Variants in MTREX observed in about 807,000 individuals in gnomAD.
MTREX encodes the protein exosome RNA helicase MTR4.
In MTREX, 76 loss-of-function variants were observed where a neutral mutation model predicts 135.4. That is an observed-to-expected ratio of 0.56 (90% CI 0.47 to 0.68). The LOEUF (loss-of-function observed/expected upper bound fraction) is 0.68, where lower values mean the gene tolerates loss of function less well. Ranked by LOEUF, MTREX falls within the 30% of genes least tolerant of loss-of-function variation. The pLI is 0.00. For missense variants in MTREX, 920 were observed against 1,262.1 expected (o/e 0.73, Z 4.11); for synonymous variants, 404 against 401.6 (o/e 1.01, Z -0.07).
chr5:55,336,242 A>G (rs1749551431), intron 5 of MTREX, among the ~76,000 whole-genome samples: 2 of 152,150 alleles, frequency 1.3e-5, no homozygotes, highest in Non-Finnish European at 1.5e-5. Flanking sequence ...CATTGTCAAT[A>G]TCTAGTACAA....
intron 1 of MTREX, among the ~76,000 whole-genome samples, chr5:55,318,062 C>T (rs1471090426): frequency 1.3e-5 from 2 of 152,212 alleles, no homozygotes; most frequent in Non-Finnish European, 2.9e-5. Context: ...ATCAAAACCA[C>T]AAATGAGATA....
At chr5:55,311,972 G>C (rs149830933) in intron 1 of MTREX, among the ~76,000 whole-genome samples, 9 of 152,150 alleles carry the variant, frequency 5.9e-5, no homozygotes, top group African/African-American at 2.2e-4. Flanking sequence ...TTCAGGTTCA[G>C]TTTACTTCCT....
intron 5 of MTREX, among the ~76,000 whole-genome samples, chr5:55,337,694 C>T (rs1749575547): frequency 1.3e-5 from 2 of 149,430 alleles, no homozygotes; most frequent in Non-Finnish European, 1.5e-5. Flanking sequence ...GAAGATACTT[C>T]GTGAAATTTC....
In MTREX at chr5:55,327,405, T is replaced by G. The variant is rs1579850846; in HGVS notation, c.340-311T>G. The G allele has an allele frequency of 1.8e-5, 4 of 226,848 alleles. No homozygotes were observed. In the East Asian group the frequency reaches 3.9e-4, roughly 22 times the overall value. 14.1% of individuals were successfully genotyped at this position (226,848 alleles called of 1,614,324 possible). On this transcript the variant is annotated intron_variant, in intron 3 of 26. Coordinates refer to ENST00000230640, the MANE Select transcript of MTREX (RefSeq NM_015360.5). Reference sequence around the variant, plus strand: ...CTGTTCTATGTTGTTTTCTACCCACTGTGTTGTTATTCTTCTGTTTTGTAG... The same window carrying G: ...CTGTTCTATGTTGTTTTCTACCCACGGTGTTGTTATTCTTCTGTTTTGTAG...
At chr5:55,404,864 C>G (rs1750778097) in intron 21 of MTREX, among the ~76,000 whole-genome samples, 1 of 150,368 alleles carries the variant, frequency 6.7e-6, no homozygotes, top group South Asian at 2.1e-4. Context: ...AGTGCAGTGG[C>G]ATCATCACGG....
At chr5:55,377,550 A>G (rs1396882627) in intron 16 of MTREX, among the ~76,000 whole-genome samples, 1 of 152,188 alleles carries the variant, frequency 6.6e-6, no homozygotes, top group Non-Finnish European at 1.5e-5. Context: ...GCCTCACCCT[A>G]AGAGATATAT....
At chr5:55,317,803 C>T (rs918126182) in intron 1 of MTREX, among the ~76,000 whole-genome samples, 1 of 152,070 alleles carries the variant, frequency 6.6e-6, no homozygotes, top group Non-Finnish European at 1.5e-5. Context: ...TAAGAGCTTC[C>T]ATACAGCAAA....
At chr5:55,405,637 A>C (rs775871955) in intron 22 of MTREX, 49 bp downstream of exon 22, 32 of 1,491,706 alleles carry the variant, frequency 2.1e-5, no homozygotes, top group Non-Finnish European at 2.7e-5. Flanking sequence ...TTTCATTTTT[A>C]ATTTTAATTT....
chr5:55,389,180 T>C (rs564709535), intron 19 of MTREX, among the ~76,000 whole-genome samples: 3 of 152,344 alleles, frequency 2.0e-5, no homozygotes, highest in South Asian at 4.1e-4. Context: ...CTAACATTTA[T>C]TTTACTGATT....
intron 1 of MTREX, 129 bp from the exon 2 acceptor site, chr5:55,322,198 T>A: frequency 4.5e-6 from 3 of 665,230 alleles, no homozygotes; most frequent in Non-Finnish European, 7.0e-6. Flanking sequence ...CTTCAGCCAG[T>A]TGTTGTTTGT....
rs536596011 is a variant in MTREX at position 55,380,191 on chromosome 5, C to T, written c.2052+996C>T. 1.5e-4 allele frequency among the ~76,000 whole-genome samples: 23 copies of T among 152,172 alleles called. No individual in the cohort carries two copies. The East Asian group carries it at 2.7e-3, about 18-fold the overall frequency. ...TCCTGACCTTGTGATCTGCCCGCCTCGGCCTCCCAAAGTGCTGGGATTACA... is the reference window on the plus strand; with the variant it reads ...TCCTGACCTTGTGATCTGCCCGCCTTGGCCTCCCAAAGTGCTGGGATTACA... On this transcript the variant is annotated intron_variant, in intron 18 of 26. Transcript: ENST00000230640.
chr5:55,357,720 TAC>T (rs1359636801), intron 14 of MTREX, among the ~76,000 whole-genome samples: 2 of 152,204 alleles, frequency 1.3e-5, no homozygotes, highest in Non-Finnish European at 2.9e-5. Context: ...CTTTTTGAGT[TAC>T]AGTTTTTTTA....
intron 22 of MTREX, among the ~76,000 whole-genome samples, chr5:55,408,321 A>G (rs1420674267): frequency 1.3e-5 from 2 of 151,950 alleles, no homozygotes; most frequent in Non-Finnish European, 2.9e-5. Flanking sequence ...TTTTTTCCTC[A>G]TAACACTTGT....
chr5:55,364,543 G>A (rs373729698), intron 15 of MTREX, among the ~76,000 whole-genome samples: 3 of 152,326 alleles, frequency 2.0e-5, no homozygotes, highest in African/African-American at 7.2e-5. Context: ...GCTGAGTAGG[G>A]TAGTATGTCA....
chr5:55,413,516 T>C (rs1013394613), intron 23 of MTREX, among the ~76,000 whole-genome samples: 3 of 152,174 alleles, frequency 2.0e-5, no homozygotes, highest in African/African-American at 7.2e-5. Flanking sequence ...TTTATTTTTC[T>C]TTGACAGGGC....
intron 6 of MTREX, 132 bp downstream of exon 6, chr5:55,340,316 TA>T: frequency 2.1e-6 from 1 of 474,172 alleles, no homozygotes; most frequent in African/African-American, 2.0e-5. Context: ...TGATTAGACT[TA>T]GGCAAAATGG....
At position 55,318,582 on chromosome 5, in the gene MTREX, CAG is replaced by C. The variant is rs1159128114; in HGVS notation, c.135-3741_135-3740del. Reference sequence around the variant, plus strand: ...GGAGCTAAAAGATAACTTATGAACACAGAGAAGGAAACAACAGACACTGGGGT... The same window carrying C: ...GGAGCTAAAAGATAACTTATGAACACAGAAGGAAACAACAGACACTGGGGT... On this transcript the variant is annotated intron_variant, in intron 1 of 26. Coordinates refer to ENST00000230640, the MANE Select transcript of MTREX (RefSeq NM_015360.5). 2.0e-5 allele frequency among the ~76,000 whole-genome samples: 3 copies of C among 152,198 alleles called. No individual in the cohort carries two copies. The East Asian group carries it at 5.8e-4, about 29-fold the overall frequency.
chr5:55,352,011 TTTG>T (rs1424117336), intron 13 of MTREX, among the ~76,000 whole-genome samples: 1 of 151,346 alleles, frequency 6.6e-6, no homozygotes, highest in Non-Finnish European at 1.5e-5. Context: ...GTTTTTTGTT[TTTG>T]TTTTTGTTTT....
intron 19 of MTREX, 149 bp from the exon 20 acceptor site, chr5:55,397,267 G>T: frequency 2.4e-6 from 1 of 425,258 alleles, no homozygotes; most frequent in Non-Finnish European, 4.2e-6. Context: ...TTCAGTGTGG[G>T]AGAATGCTTC....
Sources: gnomAD v4.1 joint callset for allele counts (sites outside exome capture counted in the v4.1 genomes callset) on GRCh38, gnomAD v4.1.1 for gene constraint, MANE v1.5 for transcripts, NCBI Gene and HGNC (gene_info 2026-07-23, HGNC 2026-07-21) for gene names.